Variants in INTS4 observed in about 807,000 individuals in gnomAD.
INTS4 encodes MSTP093.
A neutral mutation model predicts 119.5 loss-of-function variants in INTS4; 70 were observed. That is an observed-to-expected ratio of 0.59 (90% CI 0.48 to 0.71). The LOEUF is 0.71. INTS4 is among the 30% of genes least tolerant of loss of function. The pLI, the probability that INTS4 is intolerant of heterozygous loss-of-function variation, is 0.00. For synonymous variants in INTS4, 316 were observed against 419.6 expected (o/e 0.75, Z 3.02); for missense variants, 867 against 1,173.2 (o/e 0.74, Z 3.81).
intron 18 of INTS4, among the ~76,000 whole-genome samples, chr11:77,895,743 T>C (rs1033654634): frequency 2.0e-5 from 3 of 151,932 alleles, no homozygotes; most frequent in East Asian, 3.9e-4. Context: ...CCTGATTATA[T>C]AGAGAATCAT....
In INTS4 at chr11:77,924,778, A is replaced by G; in HGVS notation, c.1486T>C (p.Tyr496His). 12 of 1,607,710 alleles carry G rather than the reference A, an allele frequency of 7.5e-6. No individual in the cohort carries two copies. The highest frequency in any genetic ancestry group is 1.0e-5 in the Non-Finnish European group (12 of 1,174,300). ...LVELLKNLTK[Y>H]PTDRDSIWKC... ...CATATGGAGTCCCTATCAGTAGGGTACTTGGTTAAATTTTTCAGCAGCTCC... is the reference window on the plus strand; with the variant it reads ...CATATGGAGTCCCTATCAGTAGGGTGCTTGGTTAAATTTTTCAGCAGCTCC... Residue 496 changes from tyrosine (Y) to histidine (H), a missense_variant, in exon 12 of 23, where the codon TAC (tyrosine) becomes CAC (histidine). Physicochemically the swap from Tyr to His is moderately conservative, Grantham distance 83. Around this residue, in one of 5 missense-constraint regions of INTS4, gnomAD observed 51 missense variants for 125.5 expected, o/e 0.41. Coordinates refer to ENST00000534064, the MANE Select transcript of INTS4 (RefSeq NM_033547.4).
At chr11:77,964,573 CAAAAATAAAAAT>C (rs1481268966) in intron 4 of INTS4, among the ~76,000 whole-genome samples, 1 of 149,974 alleles carries the variant, frequency 6.7e-6, no homozygotes, top group African/African-American at 2.5e-5. Flanking sequence ...GACTCTTTCT[CAAAAATAAAAAT>C]AAAAATAAAA....
chr11:77,957,152 C>T (rs1479499713), intron 7 of INTS4, among the ~76,000 whole-genome samples: 1 of 152,078 alleles, frequency 6.6e-6, no homozygotes, highest in African/African-American at 2.4e-5. Flanking sequence ...AGGCTGATCT[C>T]AAACTCCTGA....
Position 77,960,358 on chromosome 11 carries a change from G to A in INTS4, c.691C>T (p.Gln231Ter). 6.2e-7 allele frequency: 1 copy of A among 1,601,908 alleles called. No individual in the cohort carries two copies. The highest frequency in any genetic ancestry group is 8.5e-7 in the Non-Finnish European group (1 of 1,170,616). The change falls in exon 6 of 23, where the codon CAA (glutamine) becomes TAA (stop). Residue 231 changes from glutamine (Q) to a stop codon, truncating the protein, a stop_gained. Transcript: ENST00000534064. LOFTEE classifies it high-confidence loss of function. ...TAAGGTACCTGATTATAAATTGTTTGGTGTAATTTCAGTCCTCTTTCATGG... is the reference window on the plus strand; with the variant it reads ...TAAGGTACCTGATTATAAATTGTTTAGTGTAATTTCAGTCCTCTTTCATGG... ...QLHERGLKLH[Q>*]TIYNQACKLL...
At chr11:77,967,129 C>T (rs1253842724) in intron 4 of INTS4, among the ~76,000 whole-genome samples, 2 of 151,980 alleles carry the variant, frequency 1.3e-5, no homozygotes, top group Non-Finnish European at 2.9e-5. Flanking sequence ...GATTATTGAC[C>T]ATCTATATGT....
At chr11:77,889,806 A>G (rs1952184546) in intron 21 of INTS4, among the ~76,000 whole-genome samples, 1 of 152,130 alleles carries the variant, frequency 6.6e-6, no homozygotes, top group Non-Finnish European at 1.5e-5. Context: ...CTCTACCTAT[A>G]AGGTATCTAA....
At chr11:77,919,029 G>T (rs1382953705) in intron 14 of INTS4, 51 bp from the exon 15 acceptor site, 5 of 1,591,900 alleles carry the variant, frequency 3.1e-6, no homozygotes, top group African/African-American at 2.7e-5. Context: ...TCAGCTTTTG[G>T]TAACACACAC....
intron 15 of INTS4, chr11:77,918,208 G>A (rs557929411): frequency 3.4e-4 from 222 of 658,646 alleles, no homozygotes; most frequent in Admixed American, 4.6e-4. Context: ...GAGGCGGGAG[G>A]ATCACTTGAG....
intron 10 of INTS4, among the ~76,000 whole-genome samples, chr11:77,933,380 G>A (rs1482417848): frequency 2.0e-5 from 2 of 100,432 alleles, no homozygotes; most frequent in South Asian, 4.0e-4. Context: ...GCGCCGCCAC[G>A]TCTGACTGGT....
intron 9 of INTS4, among the ~76,000 whole-genome samples, chr11:77,939,375 C>T (rs1953874581): frequency 1.3e-5 from 2 of 152,016 alleles, no homozygotes; most frequent in East Asian, 1.9e-4. Flanking sequence ...ACTCGGGAGG[C>T]GGAGGTTGCA....
At chr11:77,971,095 A>T (rs1284251214) in intron 4 of INTS4, among the ~76,000 whole-genome samples, 1 of 151,972 alleles carries the variant, frequency 6.6e-6, no homozygotes, top group Non-Finnish European at 1.5e-5. Flanking sequence ...GGCGTGAGCC[A>T]CAGCACCCAG....
chr11:77,969,103 T>G (rs1004063929), intron 4 of INTS4, among the ~76,000 whole-genome samples: 1 of 151,902 alleles, frequency 6.6e-6, no homozygotes, highest in Non-Finnish European at 1.5e-5. Context: ...CCGGCTAATT[T>G]TTGTATTTTT....
At chr11:77,953,318 CTT>C in intron 8 of INTS4, among the ~76,000 whole-genome samples, 1 of 152,176 alleles carries the variant, frequency 6.6e-6, no homozygotes, top group Non-Finnish European at 1.5e-5. Context: ...TTTATAGATA[CTT>C]ACACACACAT....
rs1241519466 is a variant in INTS4, at chr11:77,963,315, C to T, written c.472-2177G>A. 11 of 352,996 alleles carry T rather than the reference C, an allele frequency of 3.1e-5. No homozygotes were observed. In the East Asian group the frequency reaches 8.5e-4, roughly 27 times the overall value. 21.9% of individuals were successfully genotyped at this position (352,996 alleles called of 1,614,324 possible). ...GCATCAAGGTCATCATCATTAAGAA[C>T]TGCTTTTCTGGCCGGGCGCAGAACG... is the stretch of plus-strand genomic sequence containing the variant. On this transcript the variant is annotated intron_variant, in intron 4 of 22. Coordinates refer to ENST00000534064, the MANE Select transcript of INTS4 (RefSeq NM_033547.4).
intron 2 of INTS4, among the ~76,000 whole-genome samples, chr11:77,985,174 A>G (rs1856408973): frequency 6.6e-6 from 1 of 152,202 alleles, no homozygotes; most frequent in African/African-American, 2.4e-5. Flanking sequence ...ACAGTCTTCT[A>G]ATTGGTCACT....
At chr11:77,981,369 A>T (rs1449163253) in intron 3 of INTS4, 90 bp downstream of exon 3, 3 of 514,970 alleles carry the variant, frequency 5.8e-6, no homozygotes, top group Non-Finnish European at 1.0e-5. Flanking sequence ...CTTCAATAAC[A>T]ATCAACACAA....
chr11:77,933,720 GC>G (rs897054972), intron 10 of INTS4, among the ~76,000 whole-genome samples: 3 of 151,680 alleles, frequency 2.0e-5, no homozygotes, highest in African/African-American at 4.9e-5. Context: ...CTGCCCTGCC[GC>G]CCCCTATGAG....
In INTS4 at chr11:77,994,639, G is replaced by A. The variant is rs867049085; in HGVS notation, c.5C>T (p.Ala2Val). 2.5e-6 allele frequency: 4 copies of A among 1,613,944 alleles called. No individual in the cohort carries two copies. Among genetic ancestry groups the A allele is most frequent in the African/African-American group, 1.3e-5 (1 of 74,922 alleles). ...ATAAACCCGCTTCTTAAGGTGCGCC[G>A]CCATGCCTACCCGCGGGCCCTCTCA... M[A>V]AHLKKRVYEE... The change falls in exon 1 of 23, where the codon GCG becomes GTG. Residue 2 changes from alanine to valine, a missense_variant. Around this residue, in one of 5 missense-constraint regions of INTS4, gnomAD observed 224 missense variants for 231.8 expected, o/e 0.97. Transcript: ENST00000534064.
intron 18 of INTS4, among the ~76,000 whole-genome samples, chr11:77,900,260 C>T (rs981077903): frequency 7.9e-5 from 12 of 151,908 alleles, no homozygotes; most frequent in South Asian, 2.1e-4. Context: ...CCACCATGCC[C>T]GGCTAATTTT....
Sources: allele counts gnomAD v4.1 joint callset (sites outside exome capture counted in the v4.1 genomes callset), GRCh38; gene constraint gnomAD v4.1.1; regional missense constraint gnomAD v4.1.1; transcripts MANE v1.5; gene names NCBI Gene and HGNC (gene_info 2026-07-23, HGNC 2026-07-21).